The following CD164 variants were observed in gnomAD, a reference collection of about 807,000 sequenced individuals.
CD164 encodes CD164 molecule, also known as sialomucin core protein 24.
A neutral mutation model predicts 24.6 loss-of-function variants in CD164; 11 were observed. The observed-to-expected ratio is 0.45, with a 90% CI of 0.28 to 0.74. The LOEUF (loss-of-function observed/expected upper bound fraction) is 0.74. CD164 is among the 30% of genes least tolerant of loss of function. The pLI, the probability that CD164 is intolerant of heterozygous loss-of-function variation, is 0.13. For synonymous variants in CD164, 126 were observed against 100.3 expected (o/e 1.26, Z -1.53); for missense variants, 295 against 243.7 (o/e 1.21, Z -1.40).
chr6:109,370,042 C>T (rs375547224), intron 5 of CD164, among the ~76,000 whole-genome samples: 3 of 152,098 alleles, frequency 2.0e-5, no homozygotes, highest in Non-Finnish European at 2.9e-5. Flanking sequence ...GTGAAAAGGA[C>T]GGATATATTA....
In CD164 at chr6:109,368,949, A is replaced by T; in HGVS notation, c.496T>A (p.Phe166Ile). ...AAGACCAGGACAATTCCTCCAATGA[A>T]ACTGGCTGCATCAAAGGTAGACTTT... The part of the protein sequence containing the change: ...VRKSTFDAAS[F>I]IGGIVLVLGV... The change falls in exon 6 of 6, where the codon TTC (phenylalanine) becomes ATC (isoleucine). Residue 166 changes from phenylalanine to isoleucine, a missense_variant. Phe to Ile is a conservative substitution (Grantham distance 21, BLOSUM62 0). Coordinates refer to ENST00000310786, the MANE Select transcript of CD164 (RefSeq NM_006016.6). The T allele has an allele frequency of 6.2e-7, 1 of 1,613,952 alleles. No individual in the cohort carries two copies. Among genetic ancestry groups the T allele is most frequent in the Non-Finnish European group, 8.5e-7 (1 of 1,179,898 alleles).
intron 1 of CD164, chr6:109,381,642 C>G: frequency 1.4e-6 from 1 of 699,688 alleles, no homozygotes; most frequent in Middle Eastern, 2.3e-4. Context: ...TTCCTATCTG[C>G]AAAACCAATG....
chr6:109,381,476 C>T, intron 1 of CD164: 1 of 701,656 alleles, frequency 1.4e-6, no homozygotes, highest in South Asian at 1.5e-5. Flanking sequence ...TCCGTCTCTG[C>T]ATCTACCTCC....
rs1770774315 is a variant in CD164, at chr6:109,366,666, TAGA to T, written c.*2182_*2184del. The T allele has an allele frequency of 6.6e-6, 1 of 152,572 alleles. No homozygotes were observed. The highest frequency in any genetic ancestry group is 1.5e-5 in the Non-Finnish European group (1 of 68,026). 9.5% of individuals were successfully genotyped at this position (152,572 alleles called of 1,614,324 possible). On this transcript the variant is annotated 3_prime_UTR_variant, in exon 6 of 6. Coordinates refer to ENST00000310786, the MANE Select transcript of CD164 (RefSeq NM_006016.6). The stretch of plus-strand genomic sequence containing the variant: ...CTGTAAGGTAAAATAAGGTATTTGA[TAGA>T]AGAACATCTGCAAGAACAAATCAGA...
At position 109,367,042 on chromosome 6, in the gene CD164, G is replaced by T. The variant is rs1045975574; in HGVS notation, c.*1809C>A. On this transcript the variant is annotated 3_prime_UTR_variant, in exon 6 of 6. Coordinates refer to ENST00000310786, the MANE Select transcript of CD164 (RefSeq NM_006016.6). ...GAGGAATGGAATTCTGCCTATTTTC[G>T]AATTAATCCTACAGCACTCACTAAA... The T allele has an allele frequency of 6.6e-6, 1 of 152,296 alleles. No homozygotes were observed. Among genetic ancestry groups the T allele is most frequent in the East Asian group, 1.9e-4 (1 of 5,198 alleles). The allele number at this position is 152,296 out of a possible 1,614,324, so 9.4% of individuals were successfully genotyped here.
rs146704393 is a variant in CD164 at position 109,377,011 on chromosome 6, C to T, written c.331+889G>A. On this transcript the variant is annotated intron_variant, in intron 3 of 5. Transcript: ENST00000310786. ...AATTAGCCAGCTATGGTGGCATGCACCTGTAATCCCAGCTTCTGGGGAGGC... is the reference window on the plus strand; with the variant it reads ...AATTAGCCAGCTATGGTGGCATGCATCTGTAATCCCAGCTTCTGGGGAGGC... Among the ~76,000 whole-genome samples the T allele has an allele frequency of 2.3e-3, 345 of 152,198 alleles. 1 individual carries two copies. Among genetic ancestry groups the T allele is most frequent in the Middle Eastern group, 6.8e-3 (2 of 292 alleles).
intron 1 of CD164, among the ~76,000 whole-genome samples, chr6:109,380,947 A>G (rs1340253116): frequency 6.6e-6 from 1 of 152,234 alleles, no homozygotes; most frequent in African/African-American, 2.4e-5. Flanking sequence ...TTACCATTAC[A>G]TCTTCCTTAA....
chr6:109,379,732 TTATC>T, intron 1 of CD164, 70 bp from the exon 2 acceptor site: 1 of 1,193,204 alleles, frequency 8.4e-7, no homozygotes, highest in Non-Finnish European at 1.2e-6. Context: ...TCTGTATTAC[TTATC>T]TTTTTGAACA....
Position 109,368,448 on chromosome 6 carries a change from T to G in CD164, c.*403A>C. ...GACAGCCAAAAATCCACCTAATTGATTCTCATTTGGCACGTTCTTCTCAAT... is the reference window on the plus strand; with the variant it reads ...GACAGCCAAAAATCCACCTAATTGAGTCTCATTTGGCACGTTCTTCTCAAT... On this transcript the variant is annotated 3_prime_UTR_variant, in exon 6 of 6. Transcript: ENST00000310786. 1 of 1,396,106 alleles carries G rather than the reference T, an allele frequency of 7.2e-7. No homozygotes were observed. Among genetic ancestry groups the G allele is most frequent in the Non-Finnish European group, 9.3e-7 (1 of 1,079,090 alleles). 86.5% of individuals were successfully genotyped at this position (1,396,106 alleles called of 1,614,324 possible). A position where few individuals can be genotyped will look rare whatever the true frequency, so the allele number is the denominator to read the frequency against.
In CD164 at chr6:109,368,033, C is replaced by T. The variant is rs1040838314; in HGVS notation, c.*818G>A. 13 of 307,524 alleles carry T rather than the reference C, an allele frequency of 4.2e-5. No individual in the cohort carries two copies. The highest frequency in any genetic ancestry group is 4.9e-4 in the Middle Eastern group (1 of 2,042). The allele number at this position is 307,524 out of a possible 1,614,324, so 19.0% of individuals were successfully genotyped here. ...TAACAGACTTTAGCTTAAGTTTCTC[C>T]GCTCTGAAATAAATTTTCAATAAAA... On this transcript the variant is annotated 3_prime_UTR_variant, in exon 6 of 6. Coordinates refer to ENST00000310786, the MANE Select transcript of CD164 (RefSeq NM_006016.6).
intron 5 of CD164, 110 bp from the exon 6 acceptor site, chr6:109,369,127 T>C (rs1276962261): frequency 2.2e-6 from 2 of 894,970 alleles, no homozygotes; most frequent in Non-Finnish European, 3.4e-6. Flanking sequence ...CTATAAAGTA[T>C]TTCCTCAAGT....
At chr6:109,382,050 G>C in intron 1 of CD164, 154 bp downstream of exon 1, 3 of 579,306 alleles carry the variant, frequency 5.2e-6, no homozygotes, top group Non-Finnish European at 7.6e-6. Context: ...GTGGACTCCA[G>C]GCTGGCCGCC....
rs1562234749 is a variant in CD164 at position 109,368,765 on chromosome 6, C to A, written c.*86G>T. ...TTAAAGATCCTGGAATAGCGTCTTC[C>A]ATGTGGGACATCTTAAAAGATAGTA... On this transcript the variant is annotated 3_prime_UTR_variant, in exon 6 of 6. Transcript: ENST00000310786. The A allele has an allele frequency of 1.4e-5, 21 of 1,496,920 alleles. No homozygotes were observed. The highest frequency in any genetic ancestry group is 1.7e-5 in the Non-Finnish European group (19 of 1,127,664). 92.7% of individuals were successfully genotyped at this position (1,496,920 alleles called of 1,614,324 possible).
At chr6:109,377,644 TAAAAAAA>T (rs35168490) in intron 3 of CD164, among the ~76,000 whole-genome samples, 1 of 141,444 alleles carries the variant, frequency 7.1e-6, no homozygotes, top group African/African-American at 2.7e-5. Flanking sequence ...TAGAAAAGTT[TAAAAAAA>T]AAAAAAAAAG....
At chr6:109,369,047 C>T in intron 5 of CD164, 30 bp from the exon 6 acceptor site, 6 of 1,589,106 alleles carry the variant, frequency 3.8e-6, no homozygotes, top group Non-Finnish European at 5.1e-6. Flanking sequence ...AAACAACAAT[C>T]CTAAGTTTCA....
In CD164 at chr6:109,382,440, A is replaced by G; in HGVS notation, c.-62T>C. 1.4e-6 allele frequency: 2 copies of G among 1,387,462 alleles called. No homozygotes were observed. The highest frequency in any genetic ancestry group is 1.9e-6 in the Non-Finnish European group (2 of 1,056,614). The allele number at this position is 1,387,462 out of a possible 1,614,324, so 85.9% of individuals were successfully genotyped here. On this transcript the variant is annotated 5_prime_UTR_variant, in exon 1 of 6. Coordinates refer to ENST00000310786, the MANE Select transcript of CD164 (RefSeq NM_006016.6). The stretch of plus-strand genomic sequence containing the variant: ...GCTCGCAACGCTCAGTCAACCCCTC[A>G]ATCCCCTGCGGCGCCGCCTCCGAGA...
At chr6:109,381,746 G>A (rs965340213) in intron 1 of CD164, 1 of 587,024 alleles carries the variant, frequency 1.7e-6, no homozygotes, top group Non-Finnish European at 3.0e-6. Context: ...TTCCGGAGAA[G>A]GCTACCTCCG....
chr6:109,370,365 C>G (rs531976976), intron 5 of CD164, 46 bp downstream of exon 5: 2 of 1,444,286 alleles, frequency 1.4e-6, no homozygotes, highest in South Asian at 1.2e-5. Context: ...AGGGCAACAT[C>G]GTGCACACAT....
intron 2 of CD164, 115 bp from the exon 3 acceptor site, chr6:109,378,086 G>A: frequency 2.5e-6 from 2 of 794,502 alleles, no homozygotes; most frequent in Non-Finnish European, 4.1e-6. Flanking sequence ...AGTGGGCAGG[G>A]GGAACCACTT....
Sources: gnomAD v4.1 joint callset for allele counts (sites outside exome capture counted in the v4.1 genomes callset) on GRCh38, gnomAD v4.1.1 for gene constraint, MANE v1.5 for transcripts, NCBI Gene and HGNC (gene_info 2026-07-23, HGNC 2026-07-21) for gene names.